Variants in FAM171A1 observed in about 807,000 individuals in gnomAD.
The protein encoded by FAM171A1 is protein FAM171A1.
In FAM171A1, 23 loss-of-function variants were observed where a neutral mutation model predicts 74.9. The observed-to-expected ratio is 0.31, with a 90% CI of 0.22 to 0.44. The LOEUF (loss-of-function observed/expected upper bound fraction) is 0.44, where lower values mean the gene tolerates loss of function less well. Ranked by LOEUF, FAM171A1 falls within the 20% of genes least tolerant of loss-of-function variation. FAM171A1 has a pLI of 1.00. For missense variants in FAM171A1, 1,162 were observed against 1,159.2 expected, an observed-to-expected ratio of 1.00 and a Z score of -0.03; for synonymous variants, 527 against 505.7, an observed-to-expected ratio of 1.04 and a Z score of -0.57.
chr10:15,245,790 T>A (rs1419461004), intron 5 of FAM171A1, among the ~76,000 whole-genome samples: 1 of 152,192 alleles, frequency 6.6e-6, no homozygotes, highest in Non-Finnish European at 1.5e-5. Context: ...AGGCAGACCA[T>A]ACAAGGGGGT....
chr10:15,374,421 T>G (rs1315055653), upstream of FAM171A1, among the ~76,000 whole-genome samples: 1 of 152,210 alleles, frequency 6.6e-6, no homozygotes, highest in African/African-American at 2.4e-5. Context: ...TCACTCAAAT[T>G]AACATACTTG....
At chr10:15,249,086 GTTTTC>G (rs1481462291) in intron 4 of FAM171A1, among the ~76,000 whole-genome samples, 1 of 125,798 alleles carries the variant, frequency 7.9e-6, no homozygotes, top group Non-Finnish European at 1.6e-5. Context: ...CTAGGCTCAG[GTTTTC>G]TTTTTTCTTT....
chr10:15,374,150 C>T (rs561558399), upstream of FAM171A1, among the ~76,000 whole-genome samples: 6 of 152,254 alleles, frequency 3.9e-5, no homozygotes, highest in East Asian at 1.9e-4. Flanking sequence ...CTTTCCAGGA[C>T]GAATTGGAAC....
At chr10:15,279,977 C>T (rs2131804781) in intron 2 of FAM171A1, among the ~76,000 whole-genome samples, 1 of 152,202 alleles carries the variant, frequency 6.6e-6, no homozygotes. Flanking sequence ...ATCCCAGCTA[C>T]TTGGGATGCT....
chr10:15,242,039 A>T (rs1052651024), intron 5 of FAM171A1, among the ~76,000 whole-genome samples: 1 of 152,202 alleles, frequency 6.6e-6, no homozygotes, highest in Non-Finnish European at 1.5e-5. Flanking sequence ...AACAATTTGG[A>T]ATTGGCAGTT....
intron 5 of FAM171A1, among the ~76,000 whole-genome samples, chr10:15,229,420 G>A (rs1324586234): frequency 5.3e-5 from 8 of 151,270 alleles, no homozygotes; most frequent in East Asian, 3.9e-4. Flanking sequence ...CATCATCATC[G>A]TCATCACCAC....
At chr10:15,345,865 G>A (rs1564286539) in intron 1 of FAM171A1, among the ~76,000 whole-genome samples, 1 of 152,202 alleles carries the variant, frequency 6.6e-6, no homozygotes, top group Non-Finnish European at 1.5e-5. Flanking sequence ...TGGACAGCAG[G>A]ACAGACTCCT....
At chr10:15,262,972 T>G (rs1325632679) in intron 3 of FAM171A1, among the ~76,000 whole-genome samples, 2 of 152,096 alleles carry the variant, frequency 1.3e-5, no homozygotes, top group Non-Finnish European at 2.9e-5. Context: ...AGGGCCCTCC[T>G]GGGAGGACGG....
chr10:15,317,728 T>C (rs148312903), intron 1 of FAM171A1, among the ~76,000 whole-genome samples: 546 of 152,346 alleles, frequency 3.6e-3, no homozygotes, highest in African/African-American at 0.013. Context: ...TCTGGCATCA[T>C]GTAATTCATA....
intron 5 of FAM171A1, among the ~76,000 whole-genome samples, chr10:15,226,244 G>A (rs1461386700): frequency 6.6e-6 from 1 of 152,212 alleles, no homozygotes; most frequent in African/African-American, 2.4e-5. Context: ...GAGGTGGCTG[G>A]ACAATGACAT....
At chr10:15,305,186 C>T (rs1000221232) in intron 1 of FAM171A1, among the ~76,000 whole-genome samples, 1 of 152,168 alleles carries the variant, frequency 6.6e-6, no homozygotes, top group African/African-American at 2.4e-5. Context: ...TGGTGCAGAA[C>T]TAGTTTTATT....
At chr10:15,342,069 C>G (rs570454837) in intron 1 of FAM171A1, among the ~76,000 whole-genome samples, 2 of 152,344 alleles carry the variant, frequency 1.3e-5, no homozygotes, top group East Asian at 1.9e-4. Context: ...AACCCAGGAC[C>G]TGGATGCAGA....
intron 5 of FAM171A1, among the ~76,000 whole-genome samples, chr10:15,223,137 C>T (rs1564614566): frequency 6.6e-6 from 1 of 151,900 alleles, no homozygotes; most frequent in Non-Finnish European, 1.5e-5. Context: ...GCCAGGAGTT[C>T]GAGACCAGCC....
chr10:15,230,956 G>C (rs1330644164), intron 5 of FAM171A1, among the ~76,000 whole-genome samples: 2 of 152,112 alleles, frequency 1.3e-5, no homozygotes, highest in African/African-American at 2.4e-5. Flanking sequence ...TGTCAGAAGG[G>C]ACTGGGTGGG....
In FAM171A1 at chr10:15,213,653, C is replaced by G. The variant is rs1233670842; in HGVS notation, c.1935G>C (p.Gln645His). 4.3e-6 allele frequency: 7 copies of G among 1,613,806 alleles called. No individual in the cohort carries two copies. Among genetic ancestry groups the G allele is most frequent in the African/African-American group, 1.3e-5 (1 of 74,938 alleles). ...GGGTGCCCGCATCCTGCAGGTGCTG[C>G]TGAGAGATGGCCTGGGAAGACAGGG... is the stretch of plus-strand genomic sequence containing the variant. ...PQPLSSQAIS[Q>H]QHLQDAGTRE... The change falls in exon 8 of 8, where the codon CAG becomes CAC. Residue 645 changes from glutamine to histidine, a missense_variant. Transcript: ENST00000378116. The surrounding 1 kb of genome is among the most constrained non-coding windows in gnomAD (Gnocchi z 6.8).
chr10:15,344,983 G>A (rs185203941), intron 1 of FAM171A1, among the ~76,000 whole-genome samples: 3 of 152,366 alleles, frequency 2.0e-5, no homozygotes, highest in Admixed American at 6.5e-5. Context: ...TGAGCAAATC[G>A]ATGGAACAAA....
At chr10:15,257,013 A>T (rs1165060856) in intron 3 of FAM171A1, among the ~76,000 whole-genome samples, 1 of 152,212 alleles carries the variant, frequency 6.6e-6, no homozygotes, top group Non-Finnish European at 1.5e-5. Flanking sequence ...TTTCCGGCTA[A>T]ATAATGCTGC....
intron 1 of FAM171A1, among the ~76,000 whole-genome samples, chr10:15,356,624 G>A (rs551173673): frequency 6.6e-6 from 1 of 152,284 alleles, no homozygotes; most frequent in South Asian, 2.1e-4. Context: ...GCAATAAAAA[G>A]AAACAAACTA....
Position 15,213,018 on chromosome 10 carries a change from T to G in FAM171A1, c.2570A>C (p.His857Pro), listed in dbSNP as rs775050418. The G allele has an allele frequency of 1.9e-6, 3 of 1,614,086 alleles. No individual in the cohort carries two copies. In the East Asian group the frequency reaches 6.7e-5, roughly 36 times the overall value. The change falls in exon 8 of 8, where the codon CAC becomes CCC. Residue 857 changes from histidine (H) to proline (P), a missense_variant. By Grantham distance (77) the His-to-Pro change is moderately conservative (BLOSUM62 -2). Coordinates refer to ENST00000378116, the MANE Select transcript of FAM171A1 (RefSeq NM_001010924.2). This position sits in a 1 kb window ranked among gnomAD's most constrained non-coding sequence, Gnocchi z 6.8. ...AASPHQRRSA[H>P]EEEEDDDDDD... ...ATCATCATCGTCTTCCTCTTCCTCG[T>G]GGGCAGATCTTCTCTGGTGGGGGCT...
Sources: allele counts gnomAD v4.1 joint callset (sites outside exome capture counted in the v4.1 genomes callset), GRCh38; gene constraint gnomAD v4.1.1; non-coding constraint Gnocchi (gnomAD v3.1); transcripts MANE v1.5; gene names NCBI Gene and HGNC (gene_info 2026-07-23, HGNC 2026-07-21).